Variants in TCIRG1 observed in about 807,000 individuals in gnomAD.
TCIRG1 encodes V-type proton ATPase 116 kDa subunit a 3.
TCIRG1 carries 86 observed loss-of-function variants against 95.5 expected under a neutral mutation model. That is an observed-to-expected ratio of 0.90 (90% CI 0.76 to 1.08). TCIRG1 has a LOEUF of 1.08. Among genes scored for constraint, TCIRG1 ranks in the 50% least tolerant of loss-of-function variants. The pLI is 0.00. For missense variants in TCIRG1, 1,069 were observed against 1,140.2 expected (o/e 0.94, Z 0.90); for synonymous variants, 499 against 501.3 (o/e 1.00, Z 0.06).
chr11:68,044,881 G>A (rs1855394650), intron 9 of TCIRG1, 77 bp from the exon 10 acceptor site: 3 of 1,585,682 alleles, frequency 1.9e-6, no homozygotes, highest in Non-Finnish European at 2.6e-6. Flanking sequence ...TACATCTCCA[G>A]CTGGGCCTGG....
chr11:68,043,260 G>C, intron 5 of TCIRG1, 111 bp from the exon 6 acceptor site: 9 of 1,489,344 alleles, frequency 6.0e-6, no homozygotes, highest in Non-Finnish European at 8.0e-6. Flanking sequence ...GGCAGGGCCA[G>C]TGTGCCCAAT....
In TCIRG1 at chr11:68,050,361, G is replaced by T; in HGVS notation, c.2236+107G>T. On this transcript the variant is annotated intron_variant, in intron 18 of 19. Coordinates refer to ENST00000265686, the MANE Select transcript of TCIRG1 (RefSeq NM_006019.4). Reference sequence around the variant, plus strand: ...TGGGCCTCAGTTTCCCCTCTGTAAAGTGGGACTGTCCAAGGAGGTCCCTCG... The same window carrying T: ...TGGGCCTCAGTTTCCCCTCTGTAAATTGGGACTGTCCAAGGAGGTCCCTCG... 3 of 1,602,118 alleles carry T rather than the reference G, an allele frequency of 1.9e-6. No homozygotes were observed. The East Asian group carries it at 6.7e-5, about 36-fold the overall frequency.
intron 16 of TCIRG1, 43 bp from the exon 17 acceptor site, chr11:68,049,919 C>T: frequency 6.3e-7 from 1 of 1,575,356 alleles, no homozygotes. Flanking sequence ...TGGGGGACCT[C>T]CTGGGGCTGG....
intron 15 of TCIRG1, 64 bp from the exon 16 acceptor site, chr11:68,049,599 G>A: frequency 6.4e-7 from 1 of 1,572,952 alleles, no homozygotes; most frequent in South Asian, 1.1e-5. Flanking sequence ...TGACTGCTGT[G>A]ACTCAGGTTC....
At chr11:68,049,932 TG>T (rs1855711058) in intron 16 of TCIRG1, 29 bp from the exon 17 acceptor site, 3 of 1,589,002 alleles carry the variant, frequency 1.9e-6, no homozygotes. Context: ...GGGGCTGGAG[TG>T]CTGCCAACAC....
At chr11:68,051,937 G>A (rs1010456325), downstream of TCIRG1, among the ~76,000 whole-genome samples, 1 of 152,178 alleles carries the variant, frequency 6.6e-6, no homozygotes, top group Non-Finnish European at 1.5e-5. Flanking sequence ...TGGGATCCCA[G>A]GGACATGACC....
chr11:68,049,283 T>C lies in TCIRG1; in HGVS notation c.1876T>C (p.Tyr626His). The change falls in exon 15 of 20, where the codon TAC (tyrosine) becomes CAC (histidine). Residue 626 changes from tyrosine to histidine, a missense_variant. Tyr to His is a moderately conservative substitution (Grantham distance 83). Coordinates refer to ENST00000265686, the MANE Select transcript of TCIRG1 (RefSeq NM_006019.4). Reference sequence around the variant, plus strand: ...CCACAGCCCCAGCAACAGGCTGCTCTACCCCCGGCAGGTGGGCTGCGGCTG... The same window carrying C: ...CCACAGCCCCAGCAACAGGCTGCTCCACCCCCGGCAGGTGGGCTGCGGCTG... Reference protein sequence around the residue: ...FSHSPSNRLLYPRQEVVQATL... With the variant: ...FSHSPSNRLLHPRQEVVQATL... 1.2e-6 allele frequency: 2 copies of C among 1,608,782 alleles called. No homozygotes were observed. The highest frequency in any genetic ancestry group is 1.7e-6 in the Non-Finnish European group (2 of 1,177,022).
rs773818922 is a variant in TCIRG1 at position 68,044,959 on chromosome 11, TGGA to T, written c.1028_1030del (p.Glu343del). 3 of 1,607,616 alleles carry T rather than the reference TGGA, an allele frequency of 1.9e-6. No individual in the cohort carries two copies. The highest frequency in any genetic ancestry group is 2.5e-6 in the Non-Finnish European group (3 of 1,179,948). Reference sequence around the variant, plus strand: ...GTCTGTCTCTGCCCTGGCACCCAGATGGAGGAGGGAGTGAGTGCCGTGGCTCAC... The same window carrying T: ...GTCTGTCTCTGCCCTGGCACCCAGATGGAGGGAGTGAGTGCCGTGGCTCAC... On this transcript the variant is annotated inframe_deletion and splice_region_variant, in exon 10 of 20. Coordinates refer to ENST00000265686, the MANE Select transcript of TCIRG1 (RefSeq NM_006019.4).
At position 68,047,638 on chromosome 11, in the gene TCIRG1, C is replaced by T. The variant is rs908032937; in HGVS notation, c.1306-9C>T. 17 of 1,612,088 alleles carry T rather than the reference C, an allele frequency of 1.1e-5. No homozygotes were observed. The East Asian group carries it at 1.8e-4, about 17-fold the overall frequency. On this transcript the variant is annotated splice_polypyrimidine_tract_variant and intron_variant, in intron 11 of 19. Transcript: ENST00000265686. Reference sequence around the variant, plus strand: ...CAGGCAGCCCCTCACCACACCACTGCCCCCCCAGATCTGGCAGACTTTCTT... The same window carrying T: ...CAGGCAGCCCCTCACCACACCACTGTCCCCCCAGATCTGGCAGACTTTCTT...
At chr11:68,045,172 AG>A (rs1344069263) in intron 10 of TCIRG1, 70 bp downstream of exon 10, 1 of 1,579,476 alleles carries the variant, frequency 6.3e-7, no homozygotes, top group East Asian at 2.2e-5. Flanking sequence ...TGTGAGCCTG[AG>A]GGGGAGGTAT....
chr11:68,043,251 G>T (rs913987979), intron 5 of TCIRG1, 120 bp from the exon 6 acceptor site: 3 of 1,482,736 alleles, frequency 2.0e-6, no homozygotes, highest in Non-Finnish European at 2.7e-6. Context: ...TCCCCTGTGG[G>T]CAGGGCCAGT....
chr11:68,044,917 C>T (rs530446951), intron 9 of TCIRG1, 41 bp from the exon 10 acceptor site: 3 of 1,602,464 alleles, frequency 1.9e-6, no homozygotes, highest in Admixed American at 3.3e-5. Flanking sequence ...TCCCTGAAGG[C>T]CCCCGCCACC....
chr11:68,049,597 G>A (rs974536085), intron 15 of TCIRG1, 66 bp from the exon 16 acceptor site: 8 of 1,570,298 alleles, frequency 5.1e-6, no homozygotes, highest in Non-Finnish European at 6.9e-6. Flanking sequence ...CGTGACTGCT[G>A]TGACTCAGGT....
At chr11:68,048,585 C>T (rs148057864) in intron 13 of TCIRG1, among the ~76,000 whole-genome samples, 9 of 152,326 alleles carry the variant, frequency 5.9e-5, no homozygotes, top group Admixed American at 1.3e-4. Flanking sequence ...TGAGTCACCG[C>T]GCCCAGCCTG....
At chr11:68,043,706 T>C in intron 7 of TCIRG1, 53 bp downstream of exon 7, 1 of 1,552,088 alleles carries the variant, frequency 6.4e-7, no homozygotes, top group Non-Finnish European at 8.8e-7. Flanking sequence ...GCCCCTGCTG[T>C]CACCTCCCAG....
Position 68,049,751 on chromosome 11 carries a change from ACCGCCG to A in TCIRG1, c.1982_1987del (p.Arg661_Arg662del), listed in dbSNP as rs781509075. ...ACACCCCTGCACCTGCTGCACCGCC[ACCGCCG>A]CCGCCTGCGGAGGAGGCCCGCTGAC... On this transcript the variant is annotated inframe_deletion, in exon 16 of 20. Coordinates refer to ENST00000265686, the MANE Select transcript of TCIRG1 (RefSeq NM_006019.4). The A allele has an allele frequency of 1.3e-5, 20 of 1,577,704 alleles. No individual in the cohort carries two copies. Among genetic ancestry groups the A allele is most frequent in the Admixed American group, 1.8e-5 (1 of 55,754 alleles).
At position 68,045,001 on chromosome 11, in the gene TCIRG1, G is replaced by C; in HGVS notation, c.1064G>C (p.Arg355Pro). Reference sequence around the variant, plus strand: ...GCCGTGGCTCACCGCATCCCCTGCCGGGACATGCCCCCCACACTCATCCGC... The same window carrying C: ...GCCGTGGCTCACCGCATCCCCTGCCCGGACATGCCCCCCACACTCATCCGC... ...VSAVAHRIPC[R>P]DMPPTLIRTN... The change falls in exon 10 of 20, where the codon CGG becomes CCG. Residue 355 changes from arginine to proline, a missense_variant. Arg to Pro is a moderately radical substitution (Grantham distance 103, BLOSUM62 -2). Coordinates refer to ENST00000265686, the MANE Select transcript of TCIRG1 (RefSeq NM_006019.4). 1 of 1,608,812 alleles carries C rather than the reference G, an allele frequency of 6.2e-7. No individual in the cohort carries two copies. The highest frequency in any genetic ancestry group is 2.2e-5 in the East Asian group (1 of 44,880).
chr11:68,040,517 C>A (rs887364850), intron 1 of TCIRG1, among the ~76,000 whole-genome samples: 1 of 152,178 alleles, frequency 6.6e-6, no homozygotes. Flanking sequence ...TCCCCTCCCC[C>A]TAATTTTCGA....
At chr11:68,053,513 A>G (rs1227972205), downstream of TCIRG1, 1 of 153,296 alleles carries the variant, frequency 6.5e-6, no homozygotes, top group Non-Finnish European at 1.5e-5. Context: ...GCGACTTTGC[A>G]GTACATCTCT....
Sources: gnomAD v4.1 joint callset for allele counts (sites outside exome capture counted in the v4.1 genomes callset) on GRCh38, gnomAD v4.1.1 for gene constraint, MANE v1.5 for transcripts, NCBI Gene and HGNC (gene_info 2026-07-23, HGNC 2026-07-21) for gene names.